PCNX2: variants seen among roughly 807,000 people sequenced by gnomAD.
PCNX2 encodes pecanex 2, also known as pecanex-like protein 2.
A neutral mutation model predicts 223.8 loss-of-function variants in PCNX2; 168 were observed. The observed-to-expected ratio is 0.75, with a 90% CI of 0.66 to 0.85. The LOEUF (loss-of-function observed/expected upper bound fraction) is 0.85. PCNX2 is among the 40% of genes least tolerant of loss of function. The pLI is 0.00. For missense variants in PCNX2, 2,507 were observed against 2,675.5 expected (o/e 0.94, Z 1.39); for synonymous variants, 1,006 against 1,052.6 (o/e 0.96, Z 0.86).
intron 19 of PCNX2, among the ~76,000 whole-genome samples, chr1:233,145,584 C>T (rs1205742697): frequency 6.6e-6 from 1 of 152,042 alleles, no homozygotes; most frequent in South Asian, 2.1e-4. Context: ...GTTTACAGGG[C>T]TGGCATCTCG....
chr1:233,027,979 G>C (rs1384992128), intron 25 of PCNX2, among the ~76,000 whole-genome samples: 2 of 152,128 alleles, frequency 1.3e-5, no homozygotes, highest in African/African-American at 4.8e-5. Context: ...GATTAACTTA[G>C]TTATTCCTTT....
At chr1:233,178,427 T>C (rs1017837746) in intron 16 of PCNX2, among the ~76,000 whole-genome samples, 8 of 152,220 alleles carry the variant, frequency 5.3e-5, no homozygotes, top group Non-Finnish European at 7.3e-5. Context: ...TTAAACTCAC[T>C]GTGGCATCAC....
intron 23 of PCNX2, among the ~76,000 whole-genome samples, chr1:233,069,852 C>G (rs915893994): frequency 6.6e-6 from 1 of 151,666 alleles, no homozygotes; most frequent in Non-Finnish European, 1.5e-5. Flanking sequence ...AAAGAAAACC[C>G]AAAGCAAGCA....
chr1:233,021,544 G>A (rs1049371440), intron 26 of PCNX2, among the ~76,000 whole-genome samples: 2 of 152,170 alleles, frequency 1.3e-5, no homozygotes, highest in African/African-American at 2.4e-5. Flanking sequence ...CATGGAATTC[G>A]AATGTGTGGG....
intron 15 of PCNX2, among the ~76,000 whole-genome samples, chr1:233,179,677 A>G (rs1679683348): frequency 6.6e-6 from 1 of 152,216 alleles, no homozygotes; most frequent in African/African-American, 2.4e-5. Flanking sequence ...ATATAATAAT[A>G]GACACTAGGA....
At chr1:233,145,318 C>G (rs1436523382) in intron 19 of PCNX2, among the ~76,000 whole-genome samples, 1 of 152,148 alleles carries the variant, frequency 6.6e-6, no homozygotes, top group Non-Finnish European at 1.5e-5. Context: ...ATGGTTTTCT[C>G]TAAGACCTTT....
intron 21 of PCNX2, among the ~76,000 whole-genome samples, chr1:233,112,019 T>C (rs1675146118): frequency 6.6e-6 from 1 of 152,220 alleles, no homozygotes; most frequent in Non-Finnish European, 1.5e-5. Context: ...CAGGTATTTA[T>C]CCTCTCTTCC....
intron 1 of PCNX2, among the ~76,000 whole-genome samples, chr1:233,266,516 G>C (rs1660338854): frequency 6.6e-6 from 1 of 152,128 alleles, no homozygotes; most frequent in Admixed American, 6.5e-5. Context: ...TTTGACTGCA[G>C]ACATCATCAT....
chr1:233,147,749 T>C (rs144915869), intron 19 of PCNX2, among the ~76,000 whole-genome samples: 30 of 151,884 alleles, frequency 2.0e-4, no homozygotes, highest in Admixed American at 1.9e-3. Flanking sequence ...AGAACAGCAT[T>C]TTGTTGGCAG....
intron 10 of PCNX2, among the ~76,000 whole-genome samples, chr1:233,221,593 T>C (rs1339934765): frequency 2.0e-5 from 3 of 152,082 alleles, no homozygotes; most frequent in African/African-American, 7.2e-5. Context: ...GGCTGTACTT[T>C]TGAAAGATTT....
intron 23 of PCNX2, among the ~76,000 whole-genome samples, chr1:233,060,797 C>T (rs1672377994): frequency 6.6e-6 from 1 of 152,192 alleles, no homozygotes; most frequent in Admixed American, 6.5e-5. Flanking sequence ...CTGACAAAGT[C>T]ACTGTGCATT....
Position 232,986,138 on chromosome 1 carries a change from T to C in PCNX2, c.6194A>G (p.Asn2065Ser), listed in dbSNP as rs41304133. 32,572 of 1,570,630 alleles carry C rather than the reference T, an allele frequency of 0.021. 462 individuals are homozygous for C. The highest frequency in any genetic ancestry group is 0.024 in the Non-Finnish European group (28,134 of 1,157,194). Reference sequence around the variant, plus strand: ...CCTGGCTGAGGGGCCCATCACGATGTTGACGCTGCTGGATGACTGGGTGTC... The same window carrying C: ...CCTGGCTGAGGGGCCCATCACGATGCTGACGCTGCTGGATGACTGGGTGTC... ...TSDTQSSSSV[N>S]IVMGPSARAA... Residue 2065 changes from asparagine to serine, a missense_variant, in exon 33 of 34, where the codon AAC becomes AGC. Physicochemically the swap from Asn to Ser is conservative, Grantham distance 46. Transcript: ENST00000258229.
At chr1:233,100,616 T>C (rs1674435191) in intron 21 of PCNX2, among the ~76,000 whole-genome samples, 1 of 152,068 alleles carries the variant, frequency 6.6e-6, no homozygotes, top group Admixed American at 6.6e-5. Flanking sequence ...CAAATAAAGG[T>C]GACCCCAAAA....
intron 13 of PCNX2, among the ~76,000 whole-genome samples, chr1:233,204,949 A>G (rs1681357435): frequency 6.6e-6 from 1 of 152,264 alleles, no homozygotes; most frequent in Admixed American, 6.5e-5. Flanking sequence ...TAAAAATAAA[A>G]TAAAATAAGA....
intron 10 of PCNX2, among the ~76,000 whole-genome samples, chr1:233,224,045 A>G (rs959096920): frequency 7.9e-5 from 12 of 152,162 alleles, no homozygotes; most frequent in African/African-American, 2.7e-4. Flanking sequence ...AGTAAGTTCC[A>G]TAAGGGCAGA....
the PCNX2 span, among the ~76,000 whole-genome samples, chr1:233,315,294 G>T: frequency 2.0e-5 from 3 of 152,210 alleles, no homozygotes; most frequent in Non-Finnish European, 4.4e-5. Context: ...TTTCATGAAA[G>T]AAACCGGAAC....
intron 15 of PCNX2, among the ~76,000 whole-genome samples, chr1:233,192,382 T>C (rs1001266141): frequency 1.1e-4 from 17 of 152,170 alleles, no homozygotes; most frequent in African/African-American, 4.1e-4. Flanking sequence ...GAGAATCATA[T>C]TTTTACACTG....
At chr1:233,271,734 C>G (rs1238914296) in intron 1 of PCNX2, among the ~76,000 whole-genome samples, 2 of 152,134 alleles carry the variant, frequency 1.3e-5, no homozygotes, top group Non-Finnish European at 2.9e-5. Context: ...ATAGGGTGTC[C>G]TTTCCCCACT....
At chr1:233,314,370 A>T in the PCNX2 span, among the ~76,000 whole-genome samples, 1 of 152,142 alleles carries the variant, frequency 6.6e-6, no homozygotes, top group Admixed American at 6.6e-5. Flanking sequence ...TAACTTTTCA[A>T]ATTATCCTTT....
Sources: allele counts gnomAD v4.1 joint callset (sites outside exome capture counted in the v4.1 genomes callset), GRCh38; gene constraint gnomAD v4.1.1; transcripts MANE v1.5; gene names NCBI Gene and HGNC (gene_info 2026-07-23, HGNC 2026-07-21).